The following MAGI2 variants were observed in gnomAD, a reference collection of about 807,000 sequenced individuals.
MAGI2 encodes membrane-associated guanylate kinase, WW and PDZ domain-containing protein 2.
In MAGI2, 35 loss-of-function variants were observed where a neutral mutation model predicts 133.3. The ratio of observed to expected loss-of-function variants is 0.26; its 90% CI spans 0.20 to 0.35. The LOEUF is 0.35. Among genes scored for constraint, MAGI2 ranks in the 10% least tolerant of loss-of-function variants. MAGI2 has a pLI of 1.00. For synonymous variants in MAGI2, 729 were observed against 710.6 expected (o/e 1.03, Z -0.41); for missense variants, 1,636 against 1,863.4 (o/e 0.88, Z 2.25).
At chr7:78,634,611 A>G (rs1809431567) in intron 2 of MAGI2, among the ~76,000 whole-genome samples, 1 of 152,206 alleles carries the variant, frequency 6.6e-6, no homozygotes, top group Non-Finnish European at 1.5e-5. Flanking sequence ...TAATATCTAG[A>G]CTGGGGAAAC....
At chr7:79,334,240 G>T (rs946172646) in intron 1 of MAGI2, among the ~76,000 whole-genome samples, 1 of 152,120 alleles carries the variant, frequency 6.6e-6, no homozygotes, top group Non-Finnish European at 1.5e-5. Flanking sequence ...CCTCACTGGG[G>T]TGTGAATATT....
At chr7:78,919,297 G>T (rs1277185219) in intron 2 of MAGI2, among the ~76,000 whole-genome samples, 1 of 152,038 alleles carries the variant, frequency 6.6e-6, no homozygotes, top group Admixed American at 6.6e-5. Context: ...GTAAGCAAGT[G>T]TATGAATTCA....
At chr7:78,092,698 T>C (rs1438730124) in intron 20 of MAGI2, among the ~76,000 whole-genome samples, 1 of 152,210 alleles carries the variant, frequency 6.6e-6, no homozygotes, top group African/African-American at 2.4e-5. Context: ...ATGTACTTTT[T>C]GAACTGTCCC....
intron 1 of MAGI2, among the ~76,000 whole-genome samples, chr7:79,358,413 T>C (rs1842165227): frequency 6.6e-6 from 1 of 152,242 alleles, no homozygotes; most frequent in East Asian, 1.9e-4. Context: ...TAAAGGCCTA[T>C]AGCACTCTTG....
chr7:78,570,335 T>G (rs1341087315), intron 3 of MAGI2, among the ~76,000 whole-genome samples: 1 of 152,234 alleles, frequency 6.6e-6, no homozygotes, highest in African/African-American at 2.4e-5. Flanking sequence ...AACTGCTTAT[T>G]GATTTTATAT....
chr7:79,140,081 C>A (rs541305677), intron 1 of MAGI2, among the ~76,000 whole-genome samples: 1 of 152,280 alleles, frequency 6.6e-6, no homozygotes, highest in Admixed American at 6.5e-5. Context: ...TCCCCTTTAG[C>A]CTTCGAGACC....
At chr7:78,495,108 G>A (rs1041099816) in intron 5 of MAGI2, among the ~76,000 whole-genome samples, 11 of 152,086 alleles carry the variant, frequency 7.2e-5, no homozygotes, top group Non-Finnish European at 1.3e-4. Context: ...TTGACTTTAC[G>A]TTTACAAAAC....
chr7:79,390,038 A>G (rs1844485253), intron 1 of MAGI2, among the ~76,000 whole-genome samples: 1 of 152,168 alleles, frequency 6.6e-6, no homozygotes, highest in Non-Finnish European at 1.5e-5. Context: ...TTCCATGCCC[A>G]ACAGTCCAGA....
chr7:78,574,840 G>C (rs994832715), intron 3 of MAGI2, among the ~76,000 whole-genome samples: 1 of 152,190 alleles, frequency 6.6e-6, no homozygotes, highest in Non-Finnish European at 1.5e-5. Context: ...TGATGACGGT[G>C]AATAACTGTT....
chr7:79,049,025 A>G (rs1480872812), intron 1 of MAGI2, among the ~76,000 whole-genome samples: 1 of 152,220 alleles, frequency 6.6e-6, no homozygotes, highest in African/African-American at 2.4e-5. Flanking sequence ...GTTTTTAGAC[A>G]AGCAAATGTT....
chr7:79,148,653 G>A (rs1822880842), intron 1 of MAGI2, among the ~76,000 whole-genome samples: 1 of 151,906 alleles, frequency 6.6e-6, no homozygotes, highest in South Asian at 2.1e-4. Flanking sequence ...CCATGGATGT[G>A]TTTGTGCTTG....
rs191491344 is a variant in MAGI2, at chr7:79,081,785, T to C, written c.302-74579A>G. ...GAACTTTTTCCATATGGGATGACAC[T>C]GGTTTATGAAAGGAAAAAATGGAGC... is the stretch of plus-strand genomic sequence containing the variant. On this transcript the variant is annotated intron_variant, in intron 1 of 21. Coordinates refer to ENST00000354212, the MANE Select transcript of MAGI2 (RefSeq NM_012301.4). Among the ~76,000 whole-genome samples, 122 of 152,216 alleles carry C rather than the reference T, an allele frequency of 8.0e-4. 2 individuals carry two copies. In the Middle Eastern group the frequency reaches 0.01, roughly 13 times the overall value.
At chr7:78,339,974 G>A (rs908324775) in intron 9 of MAGI2, among the ~76,000 whole-genome samples, 1 of 152,088 alleles carries the variant, frequency 6.6e-6, no homozygotes, top group African/African-American at 2.4e-5. Context: ...TGGCAATACA[G>A]CGTTGGTGAT....
rs140193907 is a variant in MAGI2, at chr7:78,912,947, G to A, written c.418+94143C>T. Reference sequence around the variant, plus strand: ...GCAAAGATTCCCAGAAAGAGAGATAGTTAAGCTGAATCCTCAAGAAGAGAA... The same window carrying A: ...GCAAAGATTCCCAGAAAGAGAGATAATTAAGCTGAATCCTCAAGAAGAGAA... On this transcript the variant is annotated intron_variant, in intron 2 of 21. Transcript: ENST00000354212. Among the ~76,000 whole-genome samples, 12 of 151,664 alleles carry A rather than the reference G, an allele frequency of 7.9e-5. No homozygotes were observed. The East Asian group carries it at 1.4e-3, about 17-fold the overall frequency.
intron 1 of MAGI2, among the ~76,000 whole-genome samples, chr7:79,237,163 G>T (rs772879412): frequency 2.6e-5 from 4 of 151,610 alleles, no homozygotes; most frequent in Admixed American, 1.3e-4. Context: ...CATTAAAATG[G>T]GTCTTTACAA....
rs573201451 is a variant in MAGI2 at position 78,105,902 on chromosome 7, T to G, written c.3567+19792A>C. Among the ~76,000 whole-genome samples the G allele has an allele frequency of 2.6e-5, 4 of 152,202 alleles. No homozygotes were observed. In the South Asian group the frequency reaches 8.3e-4, roughly 32 times the overall value. On this transcript the variant is annotated intron_variant, in intron 20 of 21. Coordinates refer to ENST00000354212, the MANE Select transcript of MAGI2 (RefSeq NM_012301.4). The stretch of plus-strand genomic sequence containing the variant: ...CTTATATTTTTAAAACTACAATCAA[T>G]TATTGTTGACTATAGTCACCCTGTT...
intron 20 of MAGI2, among the ~76,000 whole-genome samples, chr7:78,116,989 T>C (rs949861870): frequency 6.6e-6 from 1 of 151,286 alleles, no homozygotes; most frequent in Non-Finnish European, 1.5e-5. Flanking sequence ...TAAAAAGCAA[T>C]AGAAAATCTG....
At chr7:78,056,074 C>G (rs1812535326) in intron 21 of MAGI2, among the ~76,000 whole-genome samples, 1 of 152,034 alleles carries the variant, frequency 6.6e-6, no homozygotes, top group Admixed American at 6.6e-5. Context: ...TTGAACTCAC[C>G]CTTTCCCTCC....
chr7:79,329,506 T>A (rs1839917033), intron 1 of MAGI2, among the ~76,000 whole-genome samples: 1 of 152,376 alleles, frequency 6.6e-6, no homozygotes, highest in African/African-American at 2.4e-5. Flanking sequence ...GTATGACTTC[T>A]TAGTATGGTT....
Sources: gnomAD v4.1 joint callset for allele counts (sites outside exome capture counted in the v4.1 genomes callset) on GRCh38, gnomAD v4.1.1 for gene constraint, MANE v1.5 for transcripts, NCBI Gene and HGNC (gene_info 2026-07-23, HGNC 2026-07-21) for gene names.